The following ABCA12 variants were observed in gnomAD, a reference collection of about 807,000 sequenced individuals.
The protein encoded by ABCA12 is ATP binding cassette subfamily A member 12.
A neutral mutation model predicts 293.5 loss-of-function variants in ABCA12; 156 were observed. That is an observed-to-expected ratio of 0.53 (90% confidence interval 0.47 to 0.61). ABCA12 has a LOEUF of 0.61. Among genes scored for constraint, ABCA12 ranks in the 20% least tolerant of loss-of-function variants. The probability of loss-of-function intolerance (pLI) is 0.00; values close to 1 mark genes in which losing one functional copy is unlikely to be tolerated. For missense variants in ABCA12, 2,797 were observed against 3,090.2 expected, an observed-to-expected ratio of 0.91 and a Z score of 2.25; for synonymous variants, 1,063 against 1,108.0, an observed-to-expected ratio of 0.96 and a Z score of 0.81.
chr2:215,033,802 G>C (rs10207426), intron 8 of ABCA12, among the ~76,000 whole-genome samples: 1 of 152,120 alleles, frequency 6.6e-6, no homozygotes, highest in South Asian at 2.1e-4. Flanking sequence ...TTAGCCGGGC[G>C]TGGTAGCAGG....
Position 214,945,093 on chromosome 2 carries a change from G to C in ABCA12, c.7251C>G (p.Ser2417Arg). 6.2e-7 allele frequency: 1 copy of C among 1,613,226 alleles called. No individual in the cohort carries two copies. The highest frequency in any genetic ancestry group is 8.5e-7 in the Non-Finnish European group (1 of 1,179,612). The change falls in exon 49 of 53, where the codon AGC (serine) becomes AGG (arginine). Residue 2417 changes from serine to arginine, a missense_variant. Around this residue, in one of 3 missense-constraint regions of ABCA12, gnomAD observed 2,130 missense variants for 2,427.0 expected, o/e 0.88. Coordinates refer to ENST00000272895, the MANE Select transcript of ABCA12 (RefSeq NM_173076.3). ...GTTTCGACTTCGGATCCATGCCAGA[G>C]CTCGGCTCATCCTTAATAGAAAGTT... ...KPSILLLDEP[S>R]SGMDPKSKRH...
chr2:215,015,445 T>C, intron 15 of ABCA12, 45 bp downstream of exon 15: 3 of 1,532,546 alleles, frequency 2.0e-6, no homozygotes, highest in Non-Finnish European at 2.7e-6. Flanking sequence ...TAAATAGTTT[T>C]ATATAAACCA....
intron 23 of ABCA12, among the ~76,000 whole-genome samples, chr2:214,995,802 C>T (rs576294950): frequency 6.6e-6 from 1 of 151,736 alleles, no homozygotes; most frequent in South Asian, 2.1e-4. Flanking sequence ...AATCGTGACA[C>T]CCTATCAAAT....
intron 26 of ABCA12, among the ~76,000 whole-genome samples, chr2:214,988,136 A>G (rs982912358): frequency 6.6e-6 from 1 of 152,236 alleles, no homozygotes; most frequent in Admixed American, 6.5e-5. Flanking sequence ...CCAGCCCAGA[A>G]AAAGCCACAA....
intron 1 of ABCA12, among the ~76,000 whole-genome samples, chr2:215,130,208 T>C (rs1559211100): frequency 6.6e-6 from 1 of 151,612 alleles, no homozygotes; most frequent in Non-Finnish European, 1.5e-5. Context: ...CTATTCGGGC[T>C]TTCTCTTGGT....
At chr2:215,079,257 CT>C (rs1271190419) in intron 2 of ABCA12, among the ~76,000 whole-genome samples, 1 of 152,194 alleles carries the variant, frequency 6.6e-6, no homozygotes, top group Non-Finnish European at 1.5e-5. Flanking sequence ...ACAAGAAAAT[CT>C]TCCTGTAGAC....
At chr2:215,097,490 T>C (rs1702270631) in intron 2 of ABCA12, among the ~76,000 whole-genome samples, 1 of 152,180 alleles carries the variant, frequency 6.6e-6, no homozygotes, top group Admixed American at 6.5e-5. Context: ...GATGCTATAA[T>C]AAATAAATAT....
At chr2:215,074,227 A>G (rs2106086062) in intron 2 of ABCA12, among the ~76,000 whole-genome samples, 1 of 152,332 alleles carries the variant, frequency 6.6e-6, no homozygotes, top group South Asian at 2.1e-4. Context: ...CCCTCTCAGG[A>G]AGAAACGTCT....
chr2:214,997,555 G>T, intron 23 of ABCA12, 140 bp downstream of exon 23: 1 of 633,942 alleles, frequency 1.6e-6, no homozygotes, highest in Non-Finnish European at 2.7e-6. Flanking sequence ...CTGCTTTTGT[G>T]ATTTGTAAAA....
chr2:214,959,374 T>C (rs180676245), intron 39 of ABCA12, among the ~76,000 whole-genome samples: 1 of 152,286 alleles, frequency 6.6e-6, no homozygotes, highest in East Asian at 1.9e-4. Flanking sequence ...TTTAAATAAG[T>C]ATGTTCCATT....
intron 42 of ABCA12, among the ~76,000 whole-genome samples, chr2:214,955,809 A>G (rs968674414): frequency 2.6e-4 from 40 of 152,218 alleles, no homozygotes; most frequent in Non-Finnish European, 8.8e-5. Flanking sequence ...AAATCCAAAG[A>G]GTTTTTTTTA....
rs749021141 is a variant in ABCA12 at position 214,932,314 on chromosome 2, A to ACTGT, written c.*316_*319dup. On this transcript the variant is annotated 3_prime_UTR_variant, in exon 53 of 53. Transcript: ENST00000272895. The stretch of plus-strand genomic sequence containing the variant: ...AACTACCAAAATCCATGCCTTTTAA[A>ACTGT]CTGTCTTTTTATTGAAAGTAATAAA... 1.0e-5 allele frequency: 3 copies of ACTGT among 292,696 alleles called. No homozygotes were observed. In the Admixed American group the frequency reaches 1.5e-4, roughly 14 times the overall value. 18.1% of individuals were successfully genotyped at this position (292,696 alleles called of 1,614,324 possible). A position where few individuals can be genotyped will look rare whatever the true frequency, so the allele number is the denominator to read the frequency against.
Position 215,106,817 on chromosome 2 carries a change from C to T in ABCA12, c.163+4780G>A, listed in dbSNP as rs147731436. On this transcript the variant is annotated intron_variant, in intron 2 of 52. Coordinates refer to ENST00000272895, the MANE Select transcript of ABCA12 (RefSeq NM_173076.3). ...TGCATTTACCAAAGCTGTTGAGTAACATCTGGATGGGTGCTATTTAGTATA... is the reference window on the plus strand; with the variant it reads ...TGCATTTACCAAAGCTGTTGAGTAATATCTGGATGGGTGCTATTTAGTATA... Among the ~76,000 whole-genome samples, 253 of 149,342 alleles carry T rather than the reference C, an allele frequency of 1.7e-3. 1 individual carries two copies. The highest frequency in any genetic ancestry group is 5.8e-3 in the African/African-American group (234 of 40,446).
intron 8 of ABCA12, chr2:215,032,125 T>C: frequency 7.2e-7 from 1 of 1,387,604 alleles, no homozygotes; most frequent in Non-Finnish European, 9.3e-7. Flanking sequence ...TGGTCAAGCA[T>C]ATGCATTTCT....
chr2:215,055,456 G>C (rs1701402560), intron 3 of ABCA12, among the ~76,000 whole-genome samples: 1 of 151,976 alleles, frequency 6.6e-6, no homozygotes, highest in South Asian at 2.1e-4. Context: ...AAAAGCTCGT[G>C]CCTAAAATAA....
At chr2:214,966,364 G>A (rs559152055) in intron 39 of ABCA12, among the ~76,000 whole-genome samples, 25 of 152,178 alleles carry the variant, frequency 1.6e-4, no homozygotes, top group Non-Finnish European at 2.9e-4. Context: ...TAACAAACCT[G>A]CACATCTGGC....
At chr2:215,130,701 C>G (rs552402364) in intron 1 of ABCA12, among the ~76,000 whole-genome samples, 9 of 152,192 alleles carry the variant, frequency 5.9e-5, no homozygotes, top group Admixed American at 4.6e-4. Context: ...GATAAGTTGA[C>G]TTCCTCTTTT....
intron 3 of ABCA12, among the ~76,000 whole-genome samples, chr2:215,062,444 G>A (rs17503217): frequency 0.19 from 28,760 of 151,866 alleles, 2,861 homozygotes; most frequent in East Asian, 0.35. Flanking sequence ...CATAGACAAT[G>A]TATCATGTCA....
intron 39 of ABCA12, among the ~76,000 whole-genome samples, chr2:214,966,542 C>T (rs1699263511): frequency 6.6e-6 from 1 of 152,142 alleles, no homozygotes; most frequent in African/African-American, 2.4e-5. Context: ...AGCCTATAGA[C>T]AAGCACGTCG....
Sources: gnomAD v4.1 joint callset for allele counts (sites outside exome capture counted in the v4.1 genomes callset) on GRCh38, gnomAD v4.1.1 for gene constraint, gnomAD v4.1.1 regional missense constraint, MANE v1.5 for transcripts, NCBI Gene and HGNC (gene_info 2026-07-23, HGNC 2026-07-21) for gene names.